Variants in CSMD1 observed in about 807,000 individuals in gnomAD.
CSMD1 encodes CUB and sushi domain-containing protein 1.
A neutral mutation model predicts 417.5 loss-of-function variants in CSMD1; 213 were observed. The observed-to-expected ratio is 0.51, with a 90% CI of 0.46 to 0.57. The LOEUF (loss-of-function observed/expected upper bound fraction) is 0.57, where lower values mean the gene tolerates loss of function less well. Among genes scored for constraint, CSMD1 ranks in the 20% least tolerant of loss-of-function variants. The probability of loss-of-function intolerance (pLI) is 0.00; values close to 1 mark genes in which losing one functional copy is unlikely to be tolerated. For synonymous variants in CSMD1, 2,862 were observed against 1,736.8 expected (o/e 1.65, Z -16.11); for missense variants, 6,923 against 4,529.7 (o/e 1.53, Z -15.17).
chr8:4,946,483 C>A (rs1303333614), intron 1 of CSMD1, among the ~76,000 whole-genome samples: 1 of 152,036 alleles, frequency 6.6e-6, no homozygotes, highest in Non-Finnish European at 1.5e-5. Flanking sequence ...TGGAGACTAC[C>A]CTCCCCAGGT....
intron 2 of CSMD1, among the ~76,000 whole-genome samples, chr8:4,500,480 T>C (rs934172168): frequency 1.3e-5 from 2 of 152,136 alleles, no homozygotes; most frequent in African/African-American, 4.8e-5. Flanking sequence ...AACAAGAGAA[T>C]ACGGAGTATG....
At chr8:4,392,761 A>G (rs1803934559) in intron 3 of CSMD1, among the ~76,000 whole-genome samples, 1 of 151,580 alleles carries the variant, frequency 6.6e-6, no homozygotes, top group African/African-American at 2.4e-5. Flanking sequence ...CGAGGTCAAG[A>G]GATTGAGAAC....
At chr8:4,762,173 C>A (rs948772767) in intron 1 of CSMD1, among the ~76,000 whole-genome samples, 1 of 151,870 alleles carries the variant, frequency 6.6e-6, no homozygotes, top group African/African-American at 2.4e-5. Context: ...AAAAGAGAAC[C>A]AAAATATCTC....
At chr8:3,558,958 G>A (rs531004359) in intron 10 of CSMD1, among the ~76,000 whole-genome samples, 10 of 152,264 alleles carry the variant, frequency 6.6e-5, no homozygotes, top group East Asian at 3.9e-4. Flanking sequence ...CCAGTATGAC[G>A]GCAGAATTGG....
rs758923895 is a variant in CSMD1, at chr8:3,406,087, T to C, written c.2206A>G (p.Ile736Val). The C allele has an allele frequency of 1.2e-5, 19 of 1,613,946 alleles. No individual in the cohort carries two copies. The highest frequency in any genetic ancestry group is 3.4e-6 in the Non-Finnish European group (4 of 1,179,874). Reference protein sequence around the residue: ...GFVKTQGSESITCILQDGNVV... With the variant: ...GFVKTQGSESVTCILQDGNVV... ...TTCCCGTCTTGCAGTATGCAGGTAATGGACTCGGATCCCTGGGTCTTGACA... is the reference window on the plus strand; with the variant it reads ...TTCCCGTCTTGCAGTATGCAGGTAACGGACTCGGATCCCTGGGTCTTGACA... The change falls in exon 15 of 70, where the codon ATT becomes GTT. Residue 736 changes from isoleucine (I) to valine (V), a missense_variant. Transcript: ENST00000635120.
At chr8:4,235,018 G>T (rs984733484) in intron 3 of CSMD1, among the ~76,000 whole-genome samples, 1 of 152,148 alleles carries the variant, frequency 6.6e-6, no homozygotes, top group African/African-American at 2.4e-5. Flanking sequence ...CATCGTATTG[G>T]TGGGAGTTAA....
rs753995950 is a variant in CSMD1, at chr8:3,110,319, G to A, written c.6447C>T (p.Asn2149=). The change falls in exon 43 of 70, where the codon AAC becomes AAT. Residue 2149 remains asparagine (N), a synonymous_variant. Coordinates refer to ENST00000635120, the MANE Select transcript of CSMD1 (RefSeq NM_033225.6). ...FPRCDAPCGY[N]VTSQNGTIYS... ...AGATGGTGCCGTTCTGAGAAGTTACGTTGTACCCACAAGGGGCTGCAAAGG... is the reference window on the plus strand; with the variant it reads ...AGATGGTGCCGTTCTGAGAAGTTACATTGTACCCACAAGGGGCTGCAAAGG... 1.3e-5 allele frequency: 21 copies of A among 1,610,694 alleles called. No homozygotes were observed. The highest frequency in any genetic ancestry group is 1.7e-4 in the Middle Eastern group (1 of 6,054).
chr8:4,815,199 G>A (rs886597565), intron 1 of CSMD1, among the ~76,000 whole-genome samples: 1 of 152,108 alleles, frequency 6.6e-6, no homozygotes, highest in Admixed American at 6.5e-5. Context: ...GAACATGTTA[G>A]AACAAAGTTT....
intron 3 of CSMD1, among the ~76,000 whole-genome samples, chr8:4,212,962 C>A (rs576578491): frequency 6.6e-6 from 1 of 152,004 alleles, no homozygotes; most frequent in Admixed American, 6.6e-5. Context: ...CACTGAAGAC[C>A]TAACACCTAG....
At chr8:3,834,686 T>C (rs561959581) in intron 5 of CSMD1, among the ~76,000 whole-genome samples, 7 of 152,192 alleles carry the variant, frequency 4.6e-5, no homozygotes, top group South Asian at 2.1e-4. Context: ...ACAGAACGTG[T>C]AGTTGGTGTC....
chr8:4,069,233 G>T (rs935024118), intron 3 of CSMD1, among the ~76,000 whole-genome samples: 1 of 152,088 alleles, frequency 6.6e-6, no homozygotes, highest in African/African-American at 2.4e-5. Context: ...ATACAGATGA[G>T]AAAATCAAAA....
At position 4,026,720 on chromosome 8, in the gene CSMD1, T is replaced by A. The variant is rs147747191; in HGVS notation, c.610+5185A>T. Among the ~76,000 whole-genome samples, 249 of 152,346 alleles carry A rather than the reference T, an allele frequency of 1.6e-3. 1 individual carries two copies. The highest frequency in any genetic ancestry group is 5.3e-3 in the African/African-American group (220 of 41,580). On this transcript the variant is annotated intron_variant, in intron 4 of 69. Coordinates refer to ENST00000635120, the MANE Select transcript of CSMD1 (RefSeq NM_033225.6). ...ATGCTATCTGAGAGATCAAGGGACT[T>A]CTTTTTTCCTTAAAGAAACTGTAAT...
rs190075961 is a variant in CSMD1 at position 3,578,445 on chromosome 8, C to T, written c.1223-3379G>A. ...AGAATAATGGGTGTCGAGAAAATCT[C>T]GGCAGTGCACGCAGGCCCTTGCAAA... On this transcript the variant is annotated intron_variant, in intron 9 of 69. Coordinates refer to ENST00000635120, the MANE Select transcript of CSMD1 (RefSeq NM_033225.6). Among the ~76,000 whole-genome samples, 24 of 152,222 alleles carry T rather than the reference C, an allele frequency of 1.6e-4. No homozygotes were observed. In the East Asian group the frequency reaches 4.7e-3, roughly 30 times the overall value.
chr8:4,001,216 A>G (rs1815645853), intron 4 of CSMD1, among the ~76,000 whole-genome samples: 1 of 152,214 alleles, frequency 6.6e-6, no homozygotes, highest in South Asian at 2.1e-4. Flanking sequence ...AGCTTAACCG[A>G]TTCTTCTGGG....
At chr8:3,966,200 T>C (rs1812669135) in intron 5 of CSMD1, among the ~76,000 whole-genome samples, 1 of 152,148 alleles carries the variant, frequency 6.6e-6, no homozygotes, top group African/African-American at 2.4e-5. Flanking sequence ...CGGTATAAAA[T>C]ATGCCAGATT....
At chr8:3,204,893 G>A (rs966934536) in intron 31 of CSMD1, among the ~76,000 whole-genome samples, 1 of 152,220 alleles carries the variant, frequency 6.6e-6, no homozygotes, top group Non-Finnish European at 1.5e-5. Context: ...AAGAGTGAGA[G>A]TGAGCATTGC....
chr8:3,777,351 G>C (rs142801281), intron 5 of CSMD1, among the ~76,000 whole-genome samples: 173 of 152,190 alleles, frequency 1.1e-3, no homozygotes, highest in African/African-American at 3.5e-3. Flanking sequence ...CCAGACAGCA[G>C]TGCCTCCAGA....
At chr8:3,705,634 C>T (rs1050750670) in intron 7 of CSMD1, among the ~76,000 whole-genome samples, 1 of 152,258 alleles carries the variant, frequency 6.6e-6, no homozygotes, top group African/African-American at 2.4e-5. Flanking sequence ...CAAGAGCTAA[C>T]AGTGCCTGCA....
chr8:4,575,219 A>C (rs1330488387), intron 2 of CSMD1, among the ~76,000 whole-genome samples: 1 of 152,196 alleles, frequency 6.6e-6, no homozygotes, highest in Non-Finnish European at 1.5e-5. Context: ...AATTCTCCTA[A>C]AAATACAGTT....
Sources: gnomAD v4.1 joint callset for allele counts (sites outside exome capture counted in the v4.1 genomes callset) on GRCh38, gnomAD v4.1.1 for gene constraint, MANE v1.5 for transcripts, NCBI Gene and HGNC (gene_info 2026-07-23, HGNC 2026-07-21) for gene names.